The following RALGAPA2 variants were observed in gnomAD, a reference collection of about 807,000 sequenced individuals.
The protein encoded by RALGAPA2 is Ral GTPase activating protein catalytic subunit alpha 2, also known as ral GTPase-activating protein subunit alpha-2.
In RALGAPA2, 139 loss-of-function variants were observed where a neutral mutation model predicts 230.4. The observed-to-expected ratio is 0.60, with a 90% CI of 0.53 to 0.69. The LOEUF (loss-of-function observed/expected upper bound fraction) is 0.69, where lower values mean the gene tolerates loss of function less well. Ranked by LOEUF, RALGAPA2 falls within the 30% of genes least tolerant of loss-of-function variation. RALGAPA2 has a pLI of 0.00. For missense variants in RALGAPA2, 2,163 were observed against 2,276.0 expected, an observed-to-expected ratio of 0.95 and a Z score of 1.01; for synonymous variants, 847 against 837.8, an observed-to-expected ratio of 1.01 and a Z score of -0.19.
chr20:20,597,377 C>T (rs1413894396), intron 16 of RALGAPA2, among the ~76,000 whole-genome samples: 1 of 152,114 alleles, frequency 6.6e-6, no homozygotes, highest in Non-Finnish European at 1.5e-5. Context: ...TGTTTTTCAC[C>T]TTTAATAGTT....
Position 20,390,435 on chromosome 20 carries a change from T to C in RALGAPA2, c.*2854A>G, listed in dbSNP as rs1030897223. 5 of 152,192 alleles carry C rather than the reference T, an allele frequency of 3.3e-5. No individual in the cohort carries two copies. The highest frequency in any genetic ancestry group is 1.2e-4 in the African/African-American group (5 of 41,444). 9.4% of individuals were successfully genotyped at this position (152,192 alleles called of 1,614,324 possible). A position where few individuals can be genotyped will look rare whatever the true frequency, so the allele number is the denominator to read the frequency against. Reference sequence around the variant, plus strand: ...CCTAAGTACAATGAGACGATAAACATCAGCTTTGCTCTGGATGGAATCTGG... The same window carrying C: ...CCTAAGTACAATGAGACGATAAACACCAGCTTTGCTCTGGATGGAATCTGG... On this transcript the variant is annotated 3_prime_UTR_variant, in exon 40 of 40. Coordinates refer to ENST00000202677, the MANE Select transcript of RALGAPA2 (RefSeq NM_020343.4).
At position 20,437,375 on chromosome 20, in the gene RALGAPA2, C is replaced by A. The variant is rs1459472160; in HGVS notation, c.5496-25227G>T. 6.6e-6 allele frequency among the ~76,000 whole-genome samples: 1 copy of A among 152,206 alleles called. No homozygotes were observed. The highest frequency in any genetic ancestry group is 1.5e-5 in the Non-Finnish European group (1 of 68,036). The stretch of plus-strand genomic sequence containing the variant: ...CATCCAGGCCACGCCATTGTCATTT[C>A]GTTCCTGGATTATGGCTGTGGCCTC... On this transcript the variant is annotated intron_variant, in intron 37 of 39. Transcript: ENST00000202677. This position sits in a 1 kb window ranked among gnomAD's most constrained non-coding sequence, Gnocchi z 4.1.
Position 20,712,505 on chromosome 20 carries a change from G to C in RALGAPA2, c.-25C>G, listed in dbSNP as rs1172149348. On this transcript the variant is annotated 5_prime_UTR_variant, in exon 1 of 40. Transcript: ENST00000202677. This position sits in a 1 kb window ranked among gnomAD's most constrained non-coding sequence, Gnocchi z 5.5. ...TCCCGCGGCAGGAAGCCCGGGCCCC[G>C]CCGGCGGGGCAGTAGGCGCCTGCGC... 5.2e-6 allele frequency: 8 copies of C among 1,538,746 alleles called. No homozygotes were observed. The highest frequency in any genetic ancestry group is 7.0e-6 in the Non-Finnish European group (8 of 1,141,592).
chr20:20,520,096 A>C (rs1182252172), intron 31 of RALGAPA2, among the ~76,000 whole-genome samples: 2 of 152,182 alleles, frequency 1.3e-5, no homozygotes, highest in Non-Finnish European at 2.9e-5. Context: ...ATGCAGTTGT[A>C]AGCAGTAATA....
chr20:20,495,048 AT>A (rs1233618030), intron 36 of RALGAPA2, 68 bp downstream of exon 36: 2 of 1,372,698 alleles, frequency 1.5e-6, no homozygotes, highest in Admixed American at 4.0e-5. Flanking sequence ...TGTATCACTG[AT>A]TTTCAATGAC....
Position 20,653,550 on chromosome 20 carries a change from C to T in RALGAPA2, c.308G>A (p.Arg103Gln), listed in dbSNP as rs1157050872. The change falls in exon 4 of 40, where the codon CGA becomes CAA. Residue 103 changes from arginine to glutamine, a missense_variant. By Grantham distance (43) the Arg-to-Gln change is conservative (BLOSUM62 1). Transcript: ENST00000202677. The part of the protein sequence containing the change: ...LQFLPERIFF[R>Q]WHYQSIGSTL... Reference sequence around the variant, plus strand: ...CTTACCTATACTCTGGTAATGCCATCGAAAGAAAATTCGTTCAGGTAGAAA... The same window carrying T: ...CTTACCTATACTCTGGTAATGCCATTGAAAGAAAATTCGTTCAGGTAGAAA... 3.3e-6 allele frequency: 5 copies of T among 1,498,408 alleles called. No homozygotes were observed. Among genetic ancestry groups the T allele is most frequent in the South Asian group, 1.2e-5 (1 of 81,102 alleles). The allele number at this position is 1,498,408 out of a possible 1,614,324, so 92.8% of individuals were successfully genotyped here.
At chr20:20,404,600 G>C (rs1045852853) in intron 38 of RALGAPA2, among the ~76,000 whole-genome samples, 1 of 152,124 alleles carries the variant, frequency 6.6e-6, no homozygotes, top group African/African-American at 2.4e-5. Context: ...GGAGCTTCAG[G>C]TTCTTCTGAA....
intron 10 of RALGAPA2, among the ~76,000 whole-genome samples, chr20:20,621,234 T>A (rs1270067388): frequency 6.6e-6 from 1 of 151,986 alleles, no homozygotes; most frequent in Non-Finnish European, 1.5e-5. Context: ...TCTATAGAAA[T>A]ATTTTAATTG....
rs556983947 is a variant in RALGAPA2, at chr20:20,535,659, A to T, written c.3473+86T>A. 7.5e-5 allele frequency: 110 copies of T among 1,475,154 alleles called. No individual in the cohort carries two copies. In the South Asian group the frequency reaches 1.5e-3, roughly 20 times the overall value. 91.4% of individuals were successfully genotyped at this position (1,475,154 alleles called of 1,614,324 possible). A position where few individuals can be genotyped will look rare whatever the true frequency, so the allele number is the denominator to read the frequency against. ...TGTATAAGAGCTATGTGAAAGAATA[A>T]GTGTTTTCTTTTGTAACATTAACTA... On this transcript the variant is annotated intron_variant, in intron 26 of 39. Coordinates refer to ENST00000202677, the MANE Select transcript of RALGAPA2 (RefSeq NM_020343.4).
intron 37 of RALGAPA2, among the ~76,000 whole-genome samples, chr20:20,452,666 G>A (rs2061014619): frequency 6.6e-6 from 1 of 152,228 alleles, no homozygotes; most frequent in South Asian, 2.1e-4. Flanking sequence ...CCTTCAGAGG[G>A]GTAAGTGCAA....
intron 1 of RALGAPA2, among the ~76,000 whole-genome samples, chr20:20,687,853 G>A (rs1417209865): frequency 1.3e-5 from 2 of 152,200 alleles, no homozygotes; most frequent in South Asian, 2.1e-4. Flanking sequence ...AGGAAAAGCA[G>A]GAAAAATGAA....
At chr20:20,446,896 C>A (rs1358620890) in intron 37 of RALGAPA2, among the ~76,000 whole-genome samples, 1 of 152,194 alleles carries the variant, frequency 6.6e-6, no homozygotes, top group African/African-American at 2.4e-5. Flanking sequence ...GGCCAAATTC[C>A]ACTCTGGAAC....
chr20:20,655,543 A>C (rs990361050), intron 3 of RALGAPA2, among the ~76,000 whole-genome samples: 8 of 151,750 alleles, frequency 5.3e-5, no homozygotes, highest in African/African-American at 2.0e-4. Context: ...TTGGTGCCTT[A>C]CAGGAACCAC....
intron 34 of RALGAPA2, among the ~76,000 whole-genome samples, chr20:20,503,989 G>A (rs1161515125): frequency 6.6e-6 from 1 of 152,140 alleles, no homozygotes; most frequent in Non-Finnish European, 1.5e-5. Context: ...TTACACCACT[G>A]CCGAAAGTTT....
At chr20:20,617,097 A>C (rs2066168993) in intron 12 of RALGAPA2, among the ~76,000 whole-genome samples, 1 of 152,222 alleles carries the variant, frequency 6.6e-6, no homozygotes, top group African/African-American at 2.4e-5. Context: ...TGGTACGAGG[A>C]CAGACCTGCT....
chr20:20,422,110 G>C lies in RALGAPA2; in HGVS notation c.5496-9962C>G, dbSNP rs147080142. On this transcript the variant is annotated intron_variant, in intron 37 of 39. Coordinates refer to ENST00000202677, the MANE Select transcript of RALGAPA2 (RefSeq NM_020343.4). ...TAATACAGACAGAAAGGAAATCAGTGGCTGCTTGGGGCCAGAGGCAGGGGA... is the reference window on the plus strand; with the variant it reads ...TAATACAGACAGAAAGGAAATCAGTCGCTGCTTGGGGCCAGAGGCAGGGGA... Among the ~76,000 whole-genome samples the C allele has an allele frequency of 3.4e-3, 521 of 152,298 alleles. 1 individual carries two copies. The highest frequency in any genetic ancestry group is 4.7e-3 in the Non-Finnish European group (318 of 68,034).
At chr20:20,556,900 G>A (rs1378616043) in intron 23 of RALGAPA2, among the ~76,000 whole-genome samples, 1 of 152,166 alleles carries the variant, frequency 6.6e-6, no homozygotes, top group Non-Finnish European at 1.5e-5. Flanking sequence ...CCAACTGCTT[G>A]TCTTAGAAGA....
chr20:20,606,751 C>T (rs183127266), intron 14 of RALGAPA2, among the ~76,000 whole-genome samples: 5 of 152,302 alleles, frequency 3.3e-5, no homozygotes, highest in African/African-American at 1.2e-4. Flanking sequence ...TGTCTGCCCC[C>T]AGTCTTATAG....
intron 1 of RALGAPA2, among the ~76,000 whole-genome samples, chr20:20,707,582 T>C (rs1249007363): frequency 6.6e-6 from 1 of 152,228 alleles, no homozygotes; most frequent in East Asian, 1.9e-4. Flanking sequence ...AATTTGTTCC[T>C]ACCTAGAGCA....
Sources: allele counts gnomAD v4.1 joint callset (sites outside exome capture counted in the v4.1 genomes callset), GRCh38; gene constraint gnomAD v4.1.1; non-coding constraint Gnocchi (gnomAD v3.1); transcripts MANE v1.5; gene names NCBI Gene and HGNC (gene_info 2026-07-23, HGNC 2026-07-21).